DPYD: variants seen among roughly 807,000 people sequenced by gnomAD.
DPYD encodes the protein dihydropyrimidine dehydrogenase [NADP(+)].
Under a neutral mutation model 116.2 loss-of-function variants are expected in DPYD, and 109 were observed. The ratio of observed to expected loss-of-function variants is 0.94; its 90% CI spans 0.80 to 1.10. DPYD has a LOEUF of 1.10. Ranked by LOEUF, DPYD falls within the 50% of genes least tolerant of loss-of-function variation. DPYD has a pLI of 0.00. For missense variants in DPYD, 1,302 were observed against 1,254.5 expected, an observed-to-expected ratio of 1.04 and a Z score of -0.57; for synonymous variants, 440 against 432.0, an observed-to-expected ratio of 1.02 and a Z score of -0.23.
At chr1:97,224,617 T>C (rs1660991913) in intron 19 of DPYD, among the ~76,000 whole-genome samples, 1 of 151,994 alleles carries the variant, frequency 6.6e-6, no homozygotes, top group Admixed American at 6.6e-5. Flanking sequence ...CTTACTCATC[T>C]GACATGACTG....
intron 8 of DPYD, among the ~76,000 whole-genome samples, chr1:97,615,707 A>AT (rs1399818803): frequency 6.6e-6 from 1 of 152,132 alleles, no homozygotes; most frequent in Admixed American, 6.6e-5. Flanking sequence ...ATGCTGGCAG[A>AT]TAAGTTTTTC....
At chr1:97,886,802 A>G (rs1436107258) in intron 1 of DPYD, among the ~76,000 whole-genome samples, 2 of 152,046 alleles carry the variant, frequency 1.3e-5, no homozygotes, top group African/African-American at 4.8e-5. Context: ...TGAAAACAAA[A>G]AACTGAACCA....
At chr1:97,615,598 T>C (rs901189690) in intron 8 of DPYD, among the ~76,000 whole-genome samples, 1 of 152,158 alleles carries the variant, frequency 6.6e-6, no homozygotes, top group Non-Finnish European at 1.5e-5. Flanking sequence ...CTCACTAATA[T>C]TGCTTAGGCC....
intron 18 of DPYD, among the ~76,000 whole-genome samples, chr1:97,299,887 C>G (rs1200012750): frequency 6.6e-6 from 1 of 152,082 alleles, no homozygotes; most frequent in East Asian, 1.9e-4. Context: ...TACTGAGGCT[C>G]TGAGAAAGGC....
At chr1:97,783,476 C>T (rs1420826883) in intron 3 of DPYD, among the ~76,000 whole-genome samples, 1 of 148,166 alleles carries the variant, frequency 6.7e-6, no homozygotes, top group East Asian at 2.0e-4. Flanking sequence ...CTCACTGCAA[C>T]CTCCACCTCC....
At chr1:97,891,030 A>G (rs1672746994) in intron 1 of DPYD, among the ~76,000 whole-genome samples, 1 of 152,002 alleles carries the variant, frequency 6.6e-6, no homozygotes, top group Admixed American at 6.6e-5. Context: ...CAAAATGGTT[A>G]CCAAGGATTT....
chr1:97,149,476 C>T (rs1217600184), intron 20 of DPYD, among the ~76,000 whole-genome samples: 1 of 152,178 alleles, frequency 6.6e-6, no homozygotes, highest in Non-Finnish European at 1.5e-5. Flanking sequence ...TGGCCTCAAA[C>T]TCCTGACCTC....
intron 13 of DPYD, among the ~76,000 whole-genome samples, chr1:97,497,200 C>T (rs1414686993): frequency 2.0e-5 from 3 of 151,752 alleles, no homozygotes; most frequent in Admixed American, 6.6e-5. Context: ...TAAATGCTTT[C>T]CTTTTGGCTT....
At chr1:97,703,784 GAAAT>G (rs1661740792) in intron 5 of DPYD, among the ~76,000 whole-genome samples, 1 of 151,892 alleles carries the variant, frequency 6.6e-6, no homozygotes, top group African/African-American at 2.4e-5. Flanking sequence ...TAGTTAATGG[GAAAT>G]AAATAATTTA....
intron 2 of DPYD, chr1:97,856,321 T>A (rs1407023627): frequency 6.6e-6 from 1 of 151,954 alleles, no homozygotes; most frequent in Non-Finnish European, 1.5e-5. Flanking sequence ...CCCATAAAGA[T>A]AGAGGAGAAT....
chr1:97,450,496 T>C (rs113265075), intron 13 of DPYD, among the ~76,000 whole-genome samples: 15 of 152,240 alleles, frequency 9.9e-5, no homozygotes, highest in African/African-American at 3.6e-4. Flanking sequence ...TTAACACTCA[T>C]TTAGGGCATA....
chr1:97,606,499 G>C (rs997319834), intron 8 of DPYD, among the ~76,000 whole-genome samples: 3 of 151,878 alleles, frequency 2.0e-5, no homozygotes, highest in Admixed American at 2.0e-4. Flanking sequence ...GAAAAAGGGG[G>C]AGTATAAGCT....
intron 1 of DPYD, among the ~76,000 whole-genome samples, chr1:97,904,006 C>T (rs148789085): frequency 9.9e-4 from 150 of 151,942 alleles, no homozygotes; most frequent in Non-Finnish European, 1.9e-3. Context: ...CATCTATTTC[C>T]AACTCCCTAT....
chr1:97,843,919 G>C (rs1275547567), intron 2 of DPYD, among the ~76,000 whole-genome samples: 5 of 151,996 alleles, frequency 3.3e-5, no homozygotes, highest in African/African-American at 1.2e-4. Context: ...TACTTCAAAT[G>C]TTTACATTTA....
At chr1:97,620,037 G>GA (rs560475446) in intron 8 of DPYD, among the ~76,000 whole-genome samples, 2,538 of 129,816 alleles carry the variant, frequency 0.02, 22 homozygotes, top group African/African-American at 0.032. Flanking sequence ...CAGTATAAGT[G>GA]AAAAAAAAAA....
chr1:97,742,795 T>C (rs1664339871), intron 3 of DPYD, among the ~76,000 whole-genome samples: 1 of 152,122 alleles, frequency 6.6e-6, no homozygotes, highest in African/African-American at 2.4e-5. Context: ...AAGTAAATAA[T>C]ATGCCAACTT....
intron 13 of DPYD, among the ~76,000 whole-genome samples, chr1:97,469,411 A>AAG (rs1191694905): frequency 2.1e-4 from 30 of 143,004 alleles, no homozygotes; most frequent in Admixed American, 6.9e-4. Context: ...AAAAAAAAAA[A>AAG]AAAAAAAAAA....
chr1:97,180,453 C>G (rs1390660747), intron 20 of DPYD, among the ~76,000 whole-genome samples: 1 of 151,984 alleles, frequency 6.6e-6, no homozygotes, highest in African/African-American at 2.4e-5. Flanking sequence ...GGGAACAAAG[C>G]TAACTGGTTT....
intron 7 of DPYD, among the ~76,000 whole-genome samples, chr1:97,685,113 G>C (rs1359027315): frequency 6.6e-6 from 1 of 152,086 alleles, no homozygotes; most frequent in African/African-American, 2.4e-5. Context: ...GCTGGCAAAT[G>C]AAATTCAGCA....
Sources: allele counts gnomAD v4.1 joint callset (sites outside exome capture counted in the v4.1 genomes callset), GRCh38; gene constraint gnomAD v4.1.1; transcripts MANE v1.5; gene names NCBI Gene and HGNC (gene_info 2026-07-23, HGNC 2026-07-21).